Variants in ROBO1 observed in about 807,000 individuals in gnomAD.
ROBO1 encodes roundabout homolog 1.
A neutral mutation model predicts 195.9 loss-of-function variants in ROBO1; 149 were observed. That is an observed-to-expected ratio of 0.76 (90% CI 0.67 to 0.87). The LOEUF (loss-of-function observed/expected upper bound fraction) is 0.87, where lower values mean the gene tolerates loss of function less well. ROBO1 is among the 40% of genes least tolerant of loss of function. The pLI is 0.00. For synonymous variants in ROBO1, 816 were observed against 733.2 expected (o/e 1.11, Z -1.82); for missense variants, 1,933 against 2,068.3 (o/e 0.93, Z 1.27).
intron 2 of ROBO1, among the ~76,000 whole-genome samples, chr3:79,224,893 C>T (rs1391313841): frequency 2.6e-5 from 4 of 152,116 alleles, no homozygotes; most frequent in East Asian, 1.9e-4. Context: ...AAAATAAATA[C>T]GTAAATCATA....
At chr3:79,762,064 G>A (rs369340768) in intron 1 of ROBO1, among the ~76,000 whole-genome samples, 3 of 152,286 alleles carry the variant, frequency 2.0e-5, no homozygotes, top group Admixed American at 6.5e-5. Flanking sequence ...AGAATTTAGA[G>A]TCTGTCTTAG....
chr3:79,022,941 A>C (rs748894937), intron 3 of ROBO1, among the ~76,000 whole-genome samples: 2 of 152,148 alleles, frequency 1.3e-5, no homozygotes, highest in Admixed American at 6.5e-5. Context: ...TATATCTTTC[A>C]TGGAGGTAGC....
intron 4 of ROBO1, among the ~76,000 whole-genome samples, chr3:78,772,620 T>C (rs1005283049): frequency 6.6e-6 from 1 of 152,062 alleles, no homozygotes; most frequent in African/African-American, 2.4e-5. Context: ...TTGTACTAAA[T>C]ATCATCCTAT....
At chr3:79,764,039 T>A (rs1704854142) in intron 1 of ROBO1, among the ~76,000 whole-genome samples, 2 of 152,196 alleles carry the variant, frequency 1.3e-5, no homozygotes, top group Admixed American at 1.3e-4. Flanking sequence ...TCTGCCCCTT[T>A]TTGGCTGAAT....
At chr3:79,686,166 A>T (rs1576229626) in intron 1 of ROBO1, among the ~76,000 whole-genome samples, 1 of 152,216 alleles carries the variant, frequency 6.6e-6, no homozygotes, top group African/African-American at 2.4e-5. Flanking sequence ...GACAAAATTC[A>T]ACAACCGTTC....
At chr3:79,090,140 A>G (rs2079450474) in intron 3 of ROBO1, among the ~76,000 whole-genome samples, 2 of 151,834 alleles carry the variant, frequency 1.3e-5, no homozygotes, top group Admixed American at 6.6e-5. Flanking sequence ...GGGTTTCAGC[A>G]TATTGGCCAG....
chr3:78,741,117 T>C (rs1559805242), intron 5 of ROBO1, among the ~76,000 whole-genome samples: 1 of 152,164 alleles, frequency 6.6e-6, no homozygotes, highest in Non-Finnish European at 1.5e-5. Context: ...ACCTTAATAT[T>C]TTATTTCATA....
At chr3:79,290,216 T>G (rs1229265829) in intron 2 of ROBO1, among the ~76,000 whole-genome samples, 1 of 151,972 alleles carries the variant, frequency 6.6e-6, no homozygotes, top group Non-Finnish European at 1.5e-5. Context: ...ATCTTTTTAG[T>G]AGAGACAGGG....
At chr3:79,398,136 A>G (rs2037220678) in intron 2 of ROBO1, among the ~76,000 whole-genome samples, 1 of 152,116 alleles carries the variant, frequency 6.6e-6, no homozygotes, top group Admixed American at 6.6e-5. Flanking sequence ...TGAAGAATCA[A>G]GAGATGTCTG....
At chr3:79,603,976 G>T (rs1391138146) in intron 1 of ROBO1, among the ~76,000 whole-genome samples, 1 of 151,956 alleles carries the variant, frequency 6.6e-6, no homozygotes, top group Non-Finnish European at 1.5e-5. Flanking sequence ...AACAGTTAAA[G>T]CTCACTCTGT....
At chr3:79,605,246 C>CTTTTTTTT (rs10659867) in intron 1 of ROBO1, among the ~76,000 whole-genome samples, 10 of 147,872 alleles carry the variant, frequency 6.8e-5, no homozygotes, top group African/African-American at 2.0e-4. Flanking sequence ...TTCCGTATTA[C>CTTTTTTTT]TTTTTTTTTT....
chr3:78,777,456 ACC>A (rs1436004780), intron 4 of ROBO1, among the ~76,000 whole-genome samples: 1 of 152,150 alleles, frequency 6.6e-6, no homozygotes, highest in Non-Finnish European at 1.5e-5. Context: ...GCCATCTGGT[ACC>A]CCATCATTTT....
At chr3:79,168,580 A>G (rs922750060) in intron 2 of ROBO1, among the ~76,000 whole-genome samples, 1 of 152,018 alleles carries the variant, frequency 6.6e-6, no homozygotes. Flanking sequence ...TTTTGCTTAT[A>G]TTGCTTTTTC....
intron 4 of ROBO1, among the ~76,000 whole-genome samples, chr3:78,831,607 C>G (rs1023441569): frequency 3.9e-5 from 6 of 152,130 alleles, no homozygotes; most frequent in African/African-American, 1.4e-4. Context: ...TTATATGTGA[C>G]TAATTCACCA....
At chr3:79,523,155 C>T (rs1337688537) in intron 2 of ROBO1, among the ~76,000 whole-genome samples, 2 of 125,636 alleles carry the variant, frequency 1.6e-5, no homozygotes, top group Non-Finnish European at 3.1e-5. Flanking sequence ...TAAGAGGCTT[C>T]ATAAACCACA....
intron 1 of ROBO1, among the ~76,000 whole-genome samples, chr3:79,688,070 G>C (rs553628214): frequency 6.6e-6 from 1 of 151,958 alleles, no homozygotes; most frequent in African/African-American, 2.4e-5. Flanking sequence ...TCCTTTGTAG[G>C]GACATGGATG....
At chr3:78,916,435 C>G (rs2038594330) in intron 4 of ROBO1, among the ~76,000 whole-genome samples, 1 of 145,136 alleles carries the variant, frequency 6.9e-6, no homozygotes, top group South Asian at 2.2e-4. Flanking sequence ...GCCTGTACTC[C>G]CAGCTATTCA....
intron 3 of ROBO1, among the ~76,000 whole-genome samples, chr3:79,122,207 C>T (rs1477940759): frequency 1.3e-5 from 2 of 151,978 alleles, no homozygotes; most frequent in Non-Finnish European, 2.9e-5. Flanking sequence ...GCAACAAAGG[C>T]TATATGCCGC....
intron 1 of ROBO1, among the ~76,000 whole-genome samples, chr3:79,613,374 A>G (rs992410212): frequency 1.3e-5 from 2 of 152,026 alleles, no homozygotes; most frequent in African/African-American, 4.8e-5. Flanking sequence ...TAAATTCTTG[A>G]GCAACAGCTG....
Sources: allele counts gnomAD v4.1 joint callset (sites outside exome capture counted in the v4.1 genomes callset), GRCh38; gene constraint gnomAD v4.1.1; transcripts MANE v1.5; gene names NCBI Gene and HGNC (gene_info 2026-07-23, HGNC 2026-07-21).